Variants in FBXW10 observed in about 807,000 individuals in gnomAD.
FBXW10 encodes the protein F-box/WD repeat-containing protein 10.
FBXW10 carries 68 observed loss-of-function variants against 113.1 expected under a neutral mutation model. The ratio of observed to expected loss-of-function variants is 0.60; its 90% CI spans 0.49 to 0.74. FBXW10 has a LOEUF of 0.74. FBXW10 is among the 30% of genes least tolerant of loss of function. FBXW10 has a pLI of 0.00. For missense variants in FBXW10, 753 were observed against 1,284.5 expected, an observed-to-expected ratio of 0.59 and a Z score of 6.32; for synonymous variants, 289 against 481.6, an observed-to-expected ratio of 0.60 and a Z score of 5.24.
rs780284992 is a variant in FBXW10 at position 18,751,092 on chromosome 17, G to GT, written c.1122+40dup. On this transcript the variant is annotated intron_variant, in intron 5 of 13. Transcript: ENST00000395665. ...GCATCTGGGGCAAGTAGCTGTGAGCGTCTCATTCTAATTGTCATTGAAGGC... is the reference window on the plus strand; with the variant it reads ...GCATCTGGGGCAAGTAGCTGTGAGCGTTCTCATTCTAATTGTCATTGAAGGC... The GT allele has an allele frequency of 3.1e-6, 5 of 1,612,488 alleles. No individual in the cohort carries two copies. The African/African-American group carries it at 4.0e-5, about 13-fold the overall frequency.
In FBXW10 at chr17:18,772,616, C is replaced by T; in HGVS notation, c.2211C>T (p.Ile737=). 1.2e-6 allele frequency: 2 copies of T among 1,614,026 alleles called. No individual in the cohort carries two copies. Among genetic ancestry groups the T allele is most frequent in the Non-Finnish European group, 1.7e-6 (2 of 1,179,902 alleles). The part of the protein sequence containing the change: ...RESVSSKQTV[I]QELLPGKPPK... ...CTGTATCCAGTAAACAAACTGTGAT[C>T]CAAGAGCTCCTACCAGGCAAACCTC... The change falls in exon 12 of 14, where the codon ATC becomes ATT. Residue 737 remains isoleucine (I), a synonymous_variant. Coordinates refer to ENST00000395665, the MANE Select transcript of FBXW10 (RefSeq NM_001267585.2).
intron 12 of FBXW10, among the ~76,000 whole-genome samples, chr17:18,774,516 G>A (rs771108861): frequency 9.9e-5 from 15 of 152,218 alleles, no homozygotes; most frequent in Non-Finnish European, 1.2e-4. Flanking sequence ...ATGTATAGCC[G>A]GGCGCAGTGA....
rs2035258207 is a variant in FBXW10, at chr17:18,756,133, A to G, written c.1211A>G (p.Asn404Ser). The change falls in exon 6 of 14, where the codon AAT (asparagine) becomes AGT (serine). Residue 404 changes from asparagine (N) to serine (S), a missense_variant. By Grantham distance (46) the Asn-to-Ser change is conservative (BLOSUM62 1). Coordinates refer to ENST00000395665, the MANE Select transcript of FBXW10 (RefSeq NM_001267585.2). The stretch of plus-strand genomic sequence containing the variant: ...AGAAATGTTTTCTGTGGGACCTACA[A>G]TGTTCGCATTCTCTCTGACACGTAG... ...EERNVFCGTY[N>S]VRILSDTWDQ... is the part of the protein sequence containing the mutation. 2.5e-6 allele frequency: 4 copies of G among 1,613,896 alleles called. No individual in the cohort carries two copies. Among genetic ancestry groups the G allele is most frequent in the South Asian group, 2.2e-5 (2 of 91,030 alleles).
In FBXW10 at chr17:18,768,587, T is replaced by C. The variant is rs775126333; in HGVS notation, c.1758T>C (p.His586=). Residue 586 remains histidine (H), a synonymous_variant, in exon 10 of 14, where the codon CAT becomes CAC. Transcript: ENST00000395665. ...AATGCCTGTTCTTTGACCAGTGGCATCTCCTCTCAGGAAGTACTGATGGCC... is the reference window on the plus strand; with the variant it reads ...AATGCCTGTTCTTTGACCAGTGGCACCTCCTCTCAGGAAGTACTGATGGCC... ...AVKCLFFDQW[H]LLSGSTDGLV... is the part of the protein sequence containing the mutation. The C allele has an allele frequency of 2.5e-6, 4 of 1,613,916 alleles. No individual in the cohort carries two copies. Among genetic ancestry groups the C allele is most frequent in the Admixed American group, 1.7e-5 (1 of 59,976 alleles).
chr17:18,751,247 A>G (rs2035164104), intron 5 of FBXW10, among the ~76,000 whole-genome samples, 194 bp downstream of exon 5: 1 of 144,920 alleles, frequency 6.9e-6, no homozygotes, highest in Non-Finnish European at 1.5e-5. Flanking sequence ...TTTTAATGAG[A>G]TGGAGTCTCG....
At chr17:18,768,369 A>G (rs2035543784) in intron 9 of FBXW10, among the ~76,000 whole-genome samples, 165 bp from the exon 10 acceptor site, 1 of 152,088 alleles carries the variant, frequency 6.6e-6, no homozygotes, top group East Asian at 1.9e-4. Context: ...CCCGGCCTCC[A>G]TCGGCCTTCT....
At position 18,771,027 on chromosome 17, in the gene FBXW10, T is replaced by C. The variant is rs538667327; in HGVS notation, c.2006+942T>C. Among the ~76,000 whole-genome samples the C allele has an allele frequency of 2.0e-5, 3 of 152,216 alleles. No homozygotes were observed. The East Asian group carries it at 5.8e-4, about 29-fold the overall frequency. On this transcript the variant is annotated intron_variant, in intron 11 of 13. Transcript: ENST00000395665. The stretch of plus-strand genomic sequence containing the variant: ...TATTGCCTTCCTTTTAGTGAAACTT[T>C]ATTAGTATTATTTACCATCTTAAAG...
intron 5 of FBXW10, among the ~76,000 whole-genome samples, chr17:18,752,724 A>G (rs1170508659): frequency 6.6e-6 from 1 of 151,986 alleles, no homozygotes; most frequent in Admixed American, 6.6e-5. Context: ...AAAAAAAAAA[A>G]AAAGAAAACA....
At position 18,770,011 on chromosome 17, in the gene FBXW10, C is replaced by A. The variant is rs758317019; in HGVS notation, c.1932C>A (p.Asn644Lys). ...DGKIRIYNFLNGNCMKVLKAN... is the reference protein window; with the variant it reads ...DGKIRIYNFLKGNCMKVLKAN... ...AGATCCGAATTTACAATTTCCTCAA[C>A]GGGAACTGTATGAAGGTGTTAAAAG... is the stretch of plus-strand genomic sequence containing the variant. Residue 644 changes from asparagine (N) to lysine (K), a missense_variant, in exon 11 of 14, where the codon AAC becomes AAA. Physicochemically the swap from Asn to Lys is moderately conservative, Grantham distance 94. Transcript: ENST00000395665. 4.3e-6 allele frequency: 7 copies of A among 1,614,120 alleles called. No individual in the cohort carries two copies. The highest frequency in any genetic ancestry group is 5.9e-6 in the Non-Finnish European group (7 of 1,180,008).
Position 18,747,939 on chromosome 17 carries a change from A to G in FBXW10, c.506-2A>G, listed in dbSNP as rs773189502. 28 of 1,613,788 alleles carry G rather than the reference A, an allele frequency of 1.7e-5. No individual in the cohort carries two copies. The highest frequency in any genetic ancestry group is 2.2e-5 in the South Asian group (2 of 91,082). On this transcript the variant is annotated splice_acceptor_variant, in intron 1 of 13. Coordinates refer to ENST00000395665, the MANE Select transcript of FBXW10 (RefSeq NM_001267585.2). LOFTEE classifies it high-confidence loss of function. Reference sequence around the variant, plus strand: ...ACCTTGTCTTGGTCTTCTGTGTTTCAGGGCTCAATCAAGACATCACAGATG... The same window carrying G: ...ACCTTGTCTTGGTCTTCTGTGTTTCGGGGCTCAATCAAGACATCACAGATG...
At position 18,770,078 on chromosome 17, in the gene FBXW10, G is replaced by A; in HGVS notation, c.1999G>A (p.Gly667Ser). Reference protein sequence around the residue: ...GDPVLSFFIQGNRMVVNTESN... With the variant: ...GDPVLSFFIQSNRMVVNTESN... ...TCCTGTGCTGTCCTTCTTTATTCAG[G>A]GCAACAGGTGGGTGGTAGGTGTGGA... is the stretch of plus-strand genomic sequence containing the variant. Residue 667 changes from glycine to serine, a missense_variant, in exon 11 of 14, where the codon GGC becomes AGC. Transcript: ENST00000395665. The A allele has an allele frequency of 6.2e-7, 1 of 1,614,134 alleles. No individual in the cohort carries two copies. The highest frequency in any genetic ancestry group is 8.5e-7 in the Non-Finnish European group (1 of 1,180,014).
chr17:18,745,825 C>T (rs1388955214), intron 1 of FBXW10, among the ~76,000 whole-genome samples: 1 of 152,090 alleles, frequency 6.6e-6, no homozygotes, highest in African/African-American at 2.4e-5. Context: ...AAGTGTTTGG[C>T]CAGATAGTTC....
At chr17:18,746,561 G>A (rs1444463180) in intron 1 of FBXW10, among the ~76,000 whole-genome samples, 4 of 152,190 alleles carry the variant, frequency 2.6e-5, no homozygotes, top group African/African-American at 4.8e-5. Flanking sequence ...TTTATTTGGT[G>A]TGTCAGGGGT....
At chr17:18,777,300 G>A (rs1271368950) in intron 13 of FBXW10, among the ~76,000 whole-genome samples, 1 of 151,940 alleles carries the variant, frequency 6.6e-6, no homozygotes, top group Non-Finnish European at 1.5e-5. Flanking sequence ...CCGACCTCAG[G>A]TGATCTACCC....
chr17:18,752,618 C>T (rs1294677211), intron 5 of FBXW10, among the ~76,000 whole-genome samples: 1 of 150,802 alleles, frequency 6.6e-6, no homozygotes, highest in Non-Finnish European at 1.5e-5. Context: ...GAGGCTGAGG[C>T]AGGAGAATGG....
intron 12 of FBXW10, among the ~76,000 whole-genome samples, chr17:18,773,717 C>T (rs1286077118): frequency 1.3e-5 from 2 of 152,204 alleles, no homozygotes; most frequent in African/African-American, 4.8e-5. Flanking sequence ...GAGGAGGGAA[C>T]TGAGAGTGTT....
chr17:18,747,470 C>T (rs1444700890), intron 1 of FBXW10, among the ~76,000 whole-genome samples: 3 of 152,036 alleles, frequency 2.0e-5, no homozygotes, highest in Non-Finnish European at 4.4e-5. Flanking sequence ...GCAGGAGAAT[C>T]ACTTGAACCC....
chr17:18,750,884 C>T (rs1282304566), intron 4 of FBXW10, 47 bp from the exon 5 acceptor site: 2 of 1,586,084 alleles, frequency 1.3e-6, no homozygotes, highest in African/African-American at 2.7e-5. Flanking sequence ...CCAAGAGAAG[C>T]CATTTTCTGT....
intron 13 of FBXW10, among the ~76,000 whole-genome samples, chr17:18,777,897 C>T (rs1469726237): frequency 6.6e-6 from 1 of 151,904 alleles, no homozygotes; most frequent in African/African-American, 2.4e-5. Flanking sequence ...CTGTTGCATT[C>T]AAAATATGCT....
Sources: allele counts gnomAD v4.1 joint callset (sites outside exome capture counted in the v4.1 genomes callset), GRCh38; gene constraint gnomAD v4.1.1; transcripts MANE v1.5; gene names NCBI Gene and HGNC (gene_info 2026-07-23, HGNC 2026-07-21).